AFF1: variants seen among roughly 807,000 people sequenced by gnomAD.
The protein encoded by AFF1 is AF4/FMR2 family member 1.
Under a neutral mutation model 121.7 loss-of-function variants are expected in AFF1, and 48 were observed. The observed-to-expected ratio is 0.39, with a 90% confidence interval of 0.31 to 0.50. The LOEUF is 0.50. Among genes scored for constraint, AFF1 ranks in the 20% least tolerant of loss-of-function variants. The pLI is 0.76. For missense variants in AFF1, 1,523 were observed against 1,511.7 expected, an observed-to-expected ratio of 1.01 and a Z score of -0.12; for synonymous variants, 613 against 563.0, an observed-to-expected ratio of 1.09 and a Z score of -1.26.
At chr4:87,130,077 C>T (rs1053390506) in intron 16 of AFF1, among the ~76,000 whole-genome samples, 3 of 151,704 alleles carry the variant, frequency 2.0e-5, no homozygotes, top group Non-Finnish European at 4.4e-5. Context: ...CATATTCAAG[C>T]GACTCTCCTG....
chr4:86,975,094 TTC>T (rs1467232432), intron 2 of AFF1, among the ~76,000 whole-genome samples: 7 of 152,144 alleles, frequency 4.6e-5, no homozygotes, highest in Admixed American at 3.9e-4. Flanking sequence ...CTTTTCCTAC[TTC>T]TCTCTTGTGC....
At chr4:87,016,132 G>A (rs1233559132) in intron 2 of AFF1, among the ~76,000 whole-genome samples, 1 of 152,024 alleles carries the variant, frequency 6.6e-6, no homozygotes, top group Non-Finnish European at 1.5e-5. Flanking sequence ...AGTTAGCCAA[G>A]ATCATGCCGT....
chr4:87,060,885 A>G (rs1255304385), intron 4 of AFF1, among the ~76,000 whole-genome samples: 2 of 149,342 alleles, frequency 1.3e-5, no homozygotes, highest in Non-Finnish European at 3.0e-5. Context: ...AAACAACAAC[A>G]AAAAAACGGA....
chr4:87,006,888 C>T (rs534231987), intron 2 of AFF1: 6 of 918,754 alleles, frequency 6.5e-6, no homozygotes, highest in South Asian at 9.9e-5. Context: ...TGGCTAGGGC[C>T]GCCGAGCGCC....
intron 16 of AFF1, 26 bp downstream of exon 16, chr4:87,127,729 G>T (rs754111935): frequency 1.2e-6 from 2 of 1,609,960 alleles, no homozygotes; most frequent in South Asian, 2.2e-5. Context: ...TTATCTCTTT[G>T]GTAGAATGTT....
At chr4:87,071,489 A>G (rs1722049241) in intron 4 of AFF1, among the ~76,000 whole-genome samples, 2 of 152,134 alleles carry the variant, frequency 1.3e-5, no homozygotes, top group Admixed American at 6.6e-5. Context: ...CCAGTTAAAG[A>G]AATTCAAGTT....
intron 1 of AFF1, among the ~76,000 whole-genome samples, chr4:86,941,682 T>TA (rs931425098): frequency 1.3e-5 from 2 of 149,242 alleles, no homozygotes; most frequent in Non-Finnish European, 3.0e-5. Context: ...ATAAATAAAA[T>TA]AAAAAATAGC....
At chr4:86,968,829 G>A (rs1312229562) in intron 2 of AFF1, among the ~76,000 whole-genome samples, 3 of 152,190 alleles carry the variant, frequency 2.0e-5, no homozygotes, top group African/African-American at 7.2e-5. Flanking sequence ...ATCAACAGGT[G>A]TCACTTTTCT....
chr4:87,016,464 T>C (rs1219330890), intron 2 of AFF1, among the ~76,000 whole-genome samples: 6 of 150,272 alleles, frequency 4.0e-5, no homozygotes, highest in Non-Finnish European at 8.9e-5. Context: ...GGCAGGAGAA[T>C]GGCATAAACC....
intron 2 of AFF1, among the ~76,000 whole-genome samples, chr4:87,010,006 C>T (rs796863705): frequency 2.0e-5 from 3 of 152,306 alleles, no homozygotes; most frequent in African/African-American, 7.2e-5. Context: ...TGATATATGA[C>T]TAATTTTTTA....
At chr4:87,020,603 G>C in intron 2 of AFF1, among the ~76,000 whole-genome samples, 1 of 152,130 alleles carries the variant, frequency 6.6e-6, no homozygotes. Flanking sequence ...TCCTGCCTCA[G>C]CCTCCTGAGT....
chr4:87,046,352 A>G (rs1730693048), intron 3 of AFF1, 66 bp downstream of exon 3: 10 of 1,558,256 alleles, frequency 6.4e-6, no homozygotes, highest in South Asian at 1.2e-5. Context: ...TGATGAAACA[A>G]TTCAGTATAA....
intron 4 of AFF1, among the ~76,000 whole-genome samples, chr4:87,063,461 A>G (rs1578173983): frequency 6.6e-6 from 1 of 150,456 alleles, no homozygotes; most frequent in Non-Finnish European, 1.5e-5. Flanking sequence ...CTGTTCTCGA[A>G]CTCCCAGCCT....
rs748093135 is a variant in AFF1, at chr4:86,951,615, C to CTTTT, written c.38+3048_38+3051dup. ...GAACTTTTTTTTCTTTTTCTTTTTT[C>CTTTT]TTTTTTTCTTTTTTTTTTTTTTTTT... On this transcript the variant is annotated intron_variant, in intron 2 of 20. Coordinates refer to ENST00000395146, the MANE Select transcript of AFF1 (RefSeq NM_001166693.3). Among the ~76,000 whole-genome samples the CTTTT allele has an allele frequency of 1.0e-3, 129 of 124,940 alleles. 6 individuals are homozygous for CTTTT. The highest frequency in any genetic ancestry group is 1.6e-3 in the African/African-American group (49 of 29,932). The allele number at this position is 124,940 out of a possible 152,430, so 82.0% of individuals were successfully genotyped here. A position where few individuals can be genotyped will look rare whatever the true frequency, so the allele number is the denominator to read the frequency against.
At chr4:87,127,882 G>C (rs1024362897) in intron 16 of AFF1, among the ~76,000 whole-genome samples, 179 bp downstream of exon 16, 25 of 152,140 alleles carry the variant, frequency 1.6e-4, no homozygotes, top group African/African-American at 5.6e-4. Context: ...ACATATGCAC[G>C]CAGCAAAATC....
intron 6 of AFF1, 145 bp downstream of exon 6, chr4:87,090,215 T>C: frequency 1.7e-6 from 1 of 580,900 alleles, no homozygotes; most frequent in Non-Finnish European, 2.9e-6. Context: ...TCTACAGTGC[T>C]TCAGAATGCT....
At chr4:87,000,911 C>T (rs72667747) in intron 2 of AFF1, among the ~76,000 whole-genome samples, 24,333 of 152,030 alleles carry the variant, frequency 0.16, 2,464 homozygotes, top group East Asian at 0.32. Flanking sequence ...AATCTTTATT[C>T]TTGAACCAAA....
intron 2 of AFF1, among the ~76,000 whole-genome samples, chr4:86,993,906 A>C (rs1015720187): frequency 2.0e-5 from 3 of 152,228 alleles, no homozygotes; most frequent in Non-Finnish European, 4.4e-5. Flanking sequence ...GGAGGTTTGC[A>C]GTGAGCTGAG....
chr4:87,112,701 C>T (rs1266819731), intron 11 of AFF1, among the ~76,000 whole-genome samples: 1 of 152,180 alleles, frequency 6.6e-6, no homozygotes, highest in African/African-American at 2.4e-5. Context: ...CCCTTAAAAC[C>T]TTTCCATCTA....
Sources: allele counts gnomAD v4.1 joint callset (sites outside exome capture counted in the v4.1 genomes callset), GRCh38; gene constraint gnomAD v4.1.1; transcripts MANE v1.5; gene names NCBI Gene and HGNC (gene_info 2026-07-23, HGNC 2026-07-21).